ASTN2: variants seen among roughly 807,000 people sequenced by gnomAD.
ASTN2 encodes astrotactin 2, also known as astrotactin-2.
A neutral mutation model predicts 139.8 loss-of-function variants in ASTN2; 54 were observed. That is an observed-to-expected ratio of 0.39 (90% CI 0.31 to 0.48). The LOEUF (loss-of-function observed/expected upper bound fraction) is 0.48, where lower values mean the gene tolerates loss of function less well. Ranked by LOEUF, ASTN2 falls within the 20% of genes least tolerant of loss-of-function variation. The pLI is 0.95. For missense variants in ASTN2, 1,565 were observed against 1,725.1 expected (o/e 0.91, Z 1.64); for synonymous variants, 756 against 719.5 (o/e 1.05, Z -0.81).
intron 13 of ASTN2, among the ~76,000 whole-genome samples, chr9:116,737,467 ATGTGTGTGTGTG>A (rs72243746): frequency 2.0e-5 from 3 of 148,154 alleles, no homozygotes; most frequent in Admixed American, 1.3e-4. Flanking sequence ...GTGTGTGTGA[ATGTGTGTGTGTG>A]TGTGTGTGTG....
At chr9:116,842,245 G>C (rs1832283270) in intron 11 of ASTN2, among the ~76,000 whole-genome samples, 1 of 152,188 alleles carries the variant, frequency 6.6e-6, no homozygotes, top group Non-Finnish European at 1.5e-5. Context: ...AGAAGAGATA[G>C]GGAAAGATGC....
chr9:116,669,955 C>T (rs1303501886), intron 16 of ASTN2, among the ~76,000 whole-genome samples: 2 of 152,142 alleles, frequency 1.3e-5, no homozygotes, highest in Non-Finnish European at 2.9e-5. Flanking sequence ...CAGGCACGTG[C>T]CACCACGCCC....
intron 20 of ASTN2, among the ~76,000 whole-genome samples, chr9:116,462,798 G>A (rs992100088): frequency 1.3e-4 from 10 of 79,738 alleles, no homozygotes; most frequent in African/African-American, 4.2e-4. Context: ...ATGTGTGTGT[G>A]TGTGTGTGTG....
chr9:117,311,251 C>T (rs1394181358), intron 1 of ASTN2, among the ~76,000 whole-genome samples: 1 of 147,272 alleles, frequency 6.8e-6, no homozygotes, highest in African/African-American at 2.5e-5. Context: ...AAAAAAGCTA[C>T]TTTACGAGAA....
chr9:116,537,592 G>A (rs1191775474), intron 19 of ASTN2, among the ~76,000 whole-genome samples: 1 of 152,212 alleles, frequency 6.6e-6, no homozygotes, highest in Non-Finnish European at 1.5e-5. Context: ...AAAGCTAACT[G>A]CTCTTGAGAT....
At chr9:116,892,044 T>G (rs1833774617) in intron 10 of ASTN2, among the ~76,000 whole-genome samples, 1 of 152,188 alleles carries the variant, frequency 6.6e-6, no homozygotes, top group South Asian at 2.1e-4. Context: ...TCCTAAAATT[T>G]TAAGTTATCT....
At position 116,740,598 on chromosome 9, in the gene ASTN2, C is replaced by T. The variant is rs544699231; in HGVS notation, c.2397-7075G>A. Among the ~76,000 whole-genome samples the T allele has an allele frequency of 2.1e-3, 322 of 151,994 alleles. 1 individual carries two copies. Among genetic ancestry groups the T allele is most frequent in the African/African-American group, 7.4e-3 (306 of 41,430 alleles). On this transcript the variant is annotated intron_variant, in intron 13 of 22. Coordinates refer to ENST00000313400, the MANE Select transcript of ASTN2 (RefSeq NM_001365068.1). ...TGCGATCTTGGCTCACTGCAAGCTCCGCCTCCCGGGTTCACGCCATTCTCC... is the reference window on the plus strand; with the variant it reads ...TGCGATCTTGGCTCACTGCAAGCTCTGCCTCCCGGGTTCACGCCATTCTCC...
chr9:117,343,023 C>T (rs1469226493), intron 1 of ASTN2, among the ~76,000 whole-genome samples: 3 of 152,078 alleles, frequency 2.0e-5, no homozygotes, highest in African/African-American at 7.2e-5. Flanking sequence ...GGGAATAGTT[C>T]CCCCCTCACT....
intron 19 of ASTN2, among the ~76,000 whole-genome samples, chr9:116,557,853 C>T: frequency 6.6e-6 from 1 of 152,160 alleles, no homozygotes; most frequent in Admixed American, 6.5e-5. Flanking sequence ...AACAAGCAAA[C>T]ATAGACCTCT....
At chr9:117,071,982 A>G (rs1226999514) in intron 5 of ASTN2, among the ~76,000 whole-genome samples, 1 of 151,978 alleles carries the variant, frequency 6.6e-6, no homozygotes, top group Non-Finnish European at 1.5e-5. Flanking sequence ...TGAGTCAGTC[A>G]CGCTGGGAGC....
chr9:116,732,498 A>C (rs958755283), intron 14 of ASTN2, among the ~76,000 whole-genome samples: 3 of 152,196 alleles, frequency 2.0e-5, no homozygotes, highest in Non-Finnish European at 2.9e-5. Context: ...TTCCCCTCTC[A>C]GTGAAAGAGC....
At chr9:116,530,821 C>T (rs1196054649) in intron 19 of ASTN2, among the ~76,000 whole-genome samples, 1 of 152,126 alleles carries the variant, frequency 6.6e-6, no homozygotes, top group Non-Finnish European at 1.5e-5. Context: ...ATTTGAATTG[C>T]CTACATATGT....
intron 4 of ASTN2, among the ~76,000 whole-genome samples, chr9:117,104,018 C>G (rs988685185): frequency 5.3e-5 from 8 of 151,946 alleles, no homozygotes; most frequent in Non-Finnish European, 1.2e-4. Flanking sequence ...CTATGCTATT[C>G]CTCCAAATGT....
At chr9:116,990,417 C>G (rs541770255) in intron 7 of ASTN2, among the ~76,000 whole-genome samples, 1 of 148,136 alleles carries the variant, frequency 6.8e-6, no homozygotes, top group East Asian at 2.0e-4. Flanking sequence ...CAGGCATGCA[C>G]CACCATGCTC....
chr9:116,597,592 G>T (rs941649754), intron 19 of ASTN2, among the ~76,000 whole-genome samples: 3 of 151,846 alleles, frequency 2.0e-5, no homozygotes, highest in African/African-American at 7.3e-5. Context: ...GCCTGGCCTT[G>T]ATCTATTAAT....
intron 16 of ASTN2, among the ~76,000 whole-genome samples, chr9:116,664,030 T>C (rs1858718490): frequency 1.3e-5 from 2 of 152,292 alleles, no homozygotes; most frequent in Non-Finnish European, 2.9e-5. Context: ...TTCTGTTGCT[T>C]CTGCCCATTA....
intron 16 of ASTN2, among the ~76,000 whole-genome samples, chr9:116,710,519 G>T (rs1828121461): frequency 6.6e-6 from 1 of 151,592 alleles, no homozygotes; most frequent in Non-Finnish European, 1.5e-5. Context: ...ATCACCTGAG[G>T]TCGGGGGTTT....
rs539250621 is a variant in ASTN2, at chr9:117,413,088, G to T, written c.442+1409C>A. On this transcript the variant is annotated intron_variant, in intron 1 of 22. Coordinates refer to ENST00000313400, the MANE Select transcript of ASTN2 (RefSeq NM_001365068.1). Reference sequence around the variant, plus strand: ...CTCAGGTTACAGCCTGCGAGGGTGGGTACAGGGGCTCGACCCCCGAGGTTC... The same window carrying T: ...CTCAGGTTACAGCCTGCGAGGGTGGTTACAGGGGCTCGACCCCCGAGGTTC... Among the ~76,000 whole-genome samples the T allele has an allele frequency of 1.7e-4, 26 of 152,298 alleles. 1 individual carries two copies. In the Middle Eastern group the frequency reaches 0.014, roughly 80 times the overall value.
At chr9:116,648,317 A>G (rs1168424429) in intron 17 of ASTN2, among the ~76,000 whole-genome samples, 1 of 151,932 alleles carries the variant, frequency 6.6e-6, no homozygotes, top group Non-Finnish European at 1.5e-5. Context: ...TCTTTCAGAA[A>G]TGGTGGTCTC....
Sources: allele counts gnomAD v4.1 joint callset (sites outside exome capture counted in the v4.1 genomes callset), GRCh38; gene constraint gnomAD v4.1.1; transcripts MANE v1.5; gene names NCBI Gene and HGNC (gene_info 2026-07-23, HGNC 2026-07-21).